CCBE1: variants seen among roughly 807,000 people sequenced by gnomAD.
CCBE1 encodes the protein collagen and calcium-binding EGF domain-containing protein 1.
Under a neutral mutation model 50.0 loss-of-function variants are expected in CCBE1, and 37 were observed. The ratio of observed to expected loss-of-function variants is 0.74; its 90% CI spans 0.57 to 0.97. The LOEUF (loss-of-function observed/expected upper bound fraction) is 0.97. CCBE1 is among the 50% of genes least tolerant of loss of function. CCBE1 has a pLI of 0.00. For missense variants in CCBE1, 538 were observed against 523.8 expected, an observed-to-expected ratio of 1.03 and a Z score of -0.26; for synonymous variants, 234 against 203.7, an observed-to-expected ratio of 1.15 and a Z score of -1.27.
intron 2 of CCBE1, among the ~76,000 whole-genome samples, chr18:59,530,172 A>C (rs960514728): frequency 1.3e-5 from 2 of 152,132 alleles, no homozygotes; most frequent in African/African-American, 4.8e-5. Context: ...GATGGGCCTG[A>C]CTGAGGCCCA....
intron 5 of CCBE1, among the ~76,000 whole-genome samples, chr18:59,459,890 C>T (rs528207333): frequency 4.6e-5 from 7 of 152,246 alleles, no homozygotes; most frequent in East Asian, 3.9e-4. Context: ...GGTTGAGAAC[C>T]GCTGATCTAT....
chr18:59,528,297 G>A (rs1914908617), intron 2 of CCBE1, among the ~76,000 whole-genome samples: 1 of 151,926 alleles, frequency 6.6e-6, no homozygotes, highest in Admixed American at 6.6e-5. Context: ...AAGTTCTCAT[G>A]TTGTTTTTCA....
At chr18:59,586,132 C>G (rs2053174932) in intron 2 of CCBE1, among the ~76,000 whole-genome samples, 1 of 152,214 alleles carries the variant, frequency 6.6e-6, no homozygotes, top group African/African-American at 2.4e-5. Flanking sequence ...GAGAAATGCT[C>G]AGCCTAACTT....
intron 7 of CCBE1, among the ~76,000 whole-genome samples, chr18:59,444,594 G>T (rs935968570): frequency 1.3e-5 from 2 of 151,696 alleles, no homozygotes; most frequent in African/African-American, 4.8e-5. Flanking sequence ...ATGGCTCACT[G>T]TAGCCTCGAC....
At chr18:59,533,919 C>T (rs1915144893) in intron 2 of CCBE1, among the ~76,000 whole-genome samples, 1 of 152,178 alleles carries the variant, frequency 6.6e-6, no homozygotes, top group African/African-American at 2.4e-5. Flanking sequence ...CACAAATGTA[C>T]TTCATAATGG....
intron 2 of CCBE1, among the ~76,000 whole-genome samples, chr18:59,577,664 G>A (rs2053019343): frequency 6.6e-6 from 1 of 152,226 alleles, no homozygotes; most frequent in Admixed American, 6.5e-5. Flanking sequence ...CACCCCATGT[G>A]TGTTAGCGGT....
chr18:59,621,202 A>G (rs1411425329), intron 2 of CCBE1, among the ~76,000 whole-genome samples: 1 of 152,198 alleles, frequency 6.6e-6, no homozygotes, highest in African/African-American at 2.4e-5. Context: ...TCTGAAAGAA[A>G]CAGCTAAAAG....
chr18:59,687,448 C>T (rs1568273771), intron 2 of CCBE1, among the ~76,000 whole-genome samples: 1 of 152,204 alleles, frequency 6.6e-6, no homozygotes, highest in Admixed American at 6.5e-5. Context: ...CCTTTACCTT[C>T]CTATTACATC....
intron 2 of CCBE1, among the ~76,000 whole-genome samples, chr18:59,544,490 AC>A (rs1915606345): frequency 6.6e-6 from 1 of 152,240 alleles, no homozygotes; most frequent in Non-Finnish European, 1.5e-5. Context: ...CATAAGATGT[AC>A]TTTTGCAGCT....
intron 2 of CCBE1, among the ~76,000 whole-genome samples, chr18:59,517,690 C>T (rs550823816): frequency 3.3e-5 from 5 of 152,328 alleles, no homozygotes; most frequent in African/African-American, 1.2e-4. Context: ...ATAAGCACCA[C>T]TTAAAACCAG....
At chr18:59,497,967 A>C (rs189719290) in intron 2 of CCBE1, among the ~76,000 whole-genome samples, 1 of 152,356 alleles carries the variant, frequency 6.6e-6, no homozygotes, top group East Asian at 1.9e-4. Context: ...ATGCTGGCTG[A>C]CTGGTCGTTA....
intron 6 of CCBE1, 102 bp downstream of exon 6, chr18:59,454,749 G>C: frequency 9.7e-7 from 1 of 1,030,128 alleles, no homozygotes; most frequent in Non-Finnish European, 1.5e-6. Flanking sequence ...CTGCGTGAAT[G>C]CTCAATGTGG....
intron 2 of CCBE1, among the ~76,000 whole-genome samples, chr18:59,491,844 A>AAAAC (rs1913118089): frequency 1.3e-5 from 2 of 151,820 alleles, no homozygotes; most frequent in Non-Finnish European, 2.9e-5. Flanking sequence ...ACAAAAAAAA[A>AAAAC]CGTTTCATGG....
At chr18:59,530,987 T>C (rs1915026310) in intron 2 of CCBE1, among the ~76,000 whole-genome samples, 2 of 152,216 alleles carry the variant, frequency 1.3e-5, no homozygotes, top group South Asian at 4.1e-4. Flanking sequence ...ACTTTTCCAT[T>C]TAGACCAAGT....
intron 2 of CCBE1, among the ~76,000 whole-genome samples, chr18:59,600,450 T>G (rs1463538611): frequency 6.6e-6 from 1 of 152,062 alleles, no homozygotes; most frequent in African/African-American, 2.4e-5. Flanking sequence ...GTACAATAAA[T>G]GTAATGTGCT....
chr18:59,589,800 AAAAAAAAAAAAGAAAG>A (rs1442419238), intron 2 of CCBE1, among the ~76,000 whole-genome samples: 2 of 137,324 alleles, frequency 1.5e-5, no homozygotes, highest in African/African-American at 5.1e-5. Flanking sequence ...CAAAAAAAAA[AAAAAAAAAAAAGAAAG>A]AAAAAAAAAA....
At chr18:59,531,041 C>T (rs4940891) in intron 2 of CCBE1, among the ~76,000 whole-genome samples, 105,986 of 152,030 alleles carry the variant, frequency 0.7, 37,252 homozygotes, top group African/African-American at 0.78. Flanking sequence ...TTTAAACTTG[C>T]TAAAGTAAAA....
intron 2 of CCBE1, among the ~76,000 whole-genome samples, chr18:59,506,850 A>T (rs1273505133): frequency 6.6e-6 from 1 of 152,228 alleles, no homozygotes; most frequent in Non-Finnish European, 1.5e-5. Context: ...GAAAGTATCA[A>T]CCTAAATTTT....
rs917033673 is a variant in CCBE1, at chr18:59,587,375, C to A, written c.213-107137G>T. Reference sequence around the variant, plus strand: ...AAGGACTTGTCACCTCAACAGACTGCAGAAGAAAAATCATAATCATCTCAA... The same window carrying A: ...AAGGACTTGTCACCTCAACAGACTGAAGAAGAAAAATCATAATCATCTCAA... On this transcript the variant is annotated intron_variant, in intron 2 of 10. Coordinates refer to ENST00000439986, the MANE Select transcript of CCBE1 (RefSeq NM_133459.4). Among the ~76,000 whole-genome samples the A allele has an allele frequency of 2.6e-5, 4 of 152,056 alleles. No homozygotes were observed. In the East Asian group the frequency reaches 7.7e-4, roughly 29 times the overall value.
Sources: gnomAD v4.1 joint callset for allele counts (sites outside exome capture counted in the v4.1 genomes callset) on GRCh38, gnomAD v4.1.1 for gene constraint, MANE v1.5 for transcripts, NCBI Gene and HGNC (gene_info 2026-07-23, HGNC 2026-07-21) for gene names.